IFNAR1: variants seen among roughly 807,000 people sequenced by gnomAD.
IFNAR1 encodes interferon alpha/beta receptor 1.
IFNAR1 carries 47 observed loss-of-function variants against 62.1 expected under a neutral mutation model. The observed-to-expected ratio is 0.76, with a 90% CI of 0.60 to 0.97. The LOEUF (loss-of-function observed/expected upper bound fraction) is 0.97. Among genes scored for constraint, IFNAR1 ranks in the 50% least tolerant of loss-of-function variants. The pLI, the probability that IFNAR1 is intolerant of heterozygous loss-of-function variation, is 0.00. For synonymous variants in IFNAR1, 219 were observed against 226.9 expected, an observed-to-expected ratio of 0.97 and a Z score of 0.31; for missense variants, 638 against 654.5, an observed-to-expected ratio of 0.97 and a Z score of 0.27.
rs144040431 is a variant in IFNAR1, at chr21:33,343,627, G to A, written c.624G>A (p.Thr208=). 2.1e-3 allele frequency: 3,386 copies of A among 1,608,204 alleles called. 4 individuals are homozygous for A. Among genetic ancestry groups the A allele is most frequent in the Non-Finnish European group, 2.6e-3 (3,107 of 1,174,930 alleles). Residue 208 remains threonine (T), a synonymous_variant, in exon 5 of 11, where the codon ACG becomes ACA. Coordinates refer to ENST00000270139, the MANE Select transcript of IFNAR1 (RefSeq NM_000629.3). ...YCLKVKAALL[T]SWKIGVYSPV... is the part of the protein sequence containing the mutation. The stretch of plus-strand genomic sequence containing the variant: ...TAAAAGTTAAAGCAGCACTACTTAC[G>A]TCATGGAAAATTGGTGTCTATAGTC...
chr21:33,334,208 G>C (rs1036176744), intron 1 of IFNAR1, among the ~76,000 whole-genome samples: 2 of 152,276 alleles, frequency 1.3e-5, no homozygotes, highest in East Asian at 3.9e-4. Context: ...TAAAGGGAAA[G>C]ATAGACTCCA....
Position 33,351,498 on chromosome 21 carries a change from C to T in IFNAR1, c.1144-1260C>T, listed in dbSNP as rs144023707. On this transcript the variant is annotated intron_variant, in intron 8 of 10. Transcript: ENST00000270139. ...GAAACTACATAATCGTTTTGTGAGC[C>T]ACTGAACGTTAAGGCAGTTTTGTTA... Among the ~76,000 whole-genome samples the T allele has an allele frequency of 2.6e-5, 4 of 152,020 alleles. 1 individual carries two copies. The highest frequency in any genetic ancestry group is 7.2e-5 in the African/African-American group (3 of 41,500).
upstream of IFNAR1, chr21:33,324,414 C>G (rs897969660): frequency 6.5e-6 from 1 of 153,500 alleles, no homozygotes; most frequent in Non-Finnish European, 1.5e-5. Context: ...CTGCACACAG[C>G]AACGGTCTGG....
At chr21:33,329,718 C>A (rs1195019795) in intron 1 of IFNAR1, among the ~76,000 whole-genome samples, 1 of 152,106 alleles carries the variant, frequency 6.6e-6, no homozygotes, top group Non-Finnish European at 1.5e-5. Flanking sequence ...AGAGATCAGT[C>A]CTTTATGATA....
intron 1 of IFNAR1, among the ~76,000 whole-genome samples, chr21:33,327,933 C>G (rs2083141685): frequency 6.6e-6 from 1 of 152,110 alleles, no homozygotes; most frequent in Admixed American, 6.6e-5. Flanking sequence ...TGGTTGAAAT[C>G]AATGGAAAGG....
At position 33,358,119 on chromosome 21, in the gene IFNAR1, G is replaced by A. The variant is rs147639443; in HGVS notation, c.*2570G>A. ...AGGAAGTTGGAGCACAAGGCTTCAC[G>A]CTTTAAGACCATCTGTGGTTTTCAG... On this transcript the variant is annotated 3_prime_UTR_variant, in exon 11 of 11. Transcript: ENST00000270139. 4 of 152,298 alleles carry A rather than the reference G, an allele frequency of 2.6e-5. No homozygotes were observed. The highest frequency in any genetic ancestry group is 1.9e-4 in the East Asian group (1 of 5,186). The allele number at this position is 152,298 out of a possible 1,614,324, so 9.4% of individuals were successfully genotyped here.
chr21:33,355,486 T>A lies in IFNAR1; in HGVS notation c.1611T>A (p.Asn537Lys). The A allele has an allele frequency of 6.2e-7, 1 of 1,607,322 alleles. No homozygotes were observed. Among genetic ancestry groups the A allele is most frequent in the Non-Finnish European group, 8.5e-7 (1 of 1,177,892 alleles). Residue 537 changes from asparagine to lysine, a missense_variant, in exon 11 of 11, where the codon AAT becomes AAA. Asn to Lys is a moderately conservative substitution (Grantham distance 94, BLOSUM62 0). Transcript: ENST00000270139. ...CCCAAACTAGCCAAGATTCAGGAAATTATTCTAATGAAGATGAAAGCGAAA... is the reference window on the plus strand; with the variant it reads ...CCCAAACTAGCCAAGATTCAGGAAAATATTCTAATGAAGATGAAAGCGAAA... ...YSSQTSQDSG[N>K]YSNEDESESK...
chr21:33,353,711 T>C lies in IFNAR1; in HGVS notation c.1368T>C (p.Ala456=). 3 of 1,593,062 alleles carry C rather than the reference T, an allele frequency of 1.9e-6. No homozygotes were observed. The South Asian group carries it at 3.4e-5, about 18-fold the overall frequency. ...ALFALPFVIY[A]AKVFLRCINY... Reference sequence around the variant, plus strand: ...TTGCTCTCCCGTTTGTCATTTATGCTGCGAAAGTCTTCTTGAGATGCATCA... The same window carrying C: ...TTGCTCTCCCGTTTGTCATTTATGCCGCGAAAGTCTTCTTGAGATGCATCA... Residue 456 remains alanine, a synonymous_variant, in exon 10 of 11, where the codon GCT becomes GCC. Transcript: ENST00000270139.
intron 5 of IFNAR1, among the ~76,000 whole-genome samples, chr21:33,344,150 G>C (rs1443906561): frequency 1.3e-5 from 2 of 149,338 alleles, no homozygotes; most frequent in African/African-American, 4.9e-5. Flanking sequence ...AAAGAGTAAG[G>C]CTCCGTCTTA....
intron 1 of IFNAR1, 128 bp downstream of exon 1, chr21:33,325,259 G>T: frequency 1.2e-6 from 1 of 819,192 alleles, no homozygotes; most frequent in Non-Finnish European, 2.0e-6. Context: ...ACTTTGCCGC[G>T]CCAAAGATTA....
intron 1 of IFNAR1, among the ~76,000 whole-genome samples, chr21:33,331,705 A>G (rs1466567191): frequency 3.3e-5 from 5 of 152,134 alleles, no homozygotes; most frequent in South Asian, 2.1e-4. Context: ...TAGCTATTCC[A>G]AGATTTAGAG....
chr21:33,343,443 T>C lies in IFNAR1; in HGVS notation c.531+21T>C, dbSNP rs1352874788. ...TAGAAGTAAGCATTATTTTTACCTC[T>C]GTTTAATCGATGTGAGAGAAAAATT... On this transcript the variant is annotated intron_variant, in intron 4 of 10. Transcript: ENST00000270139. 3 of 1,600,142 alleles carry C rather than the reference T, an allele frequency of 1.9e-6. No individual in the cohort carries two copies. In the South Asian group the frequency reaches 3.3e-5, roughly 18 times the overall value.
intron 2 of IFNAR1, among the ~76,000 whole-genome samples, chr21:33,335,971 G>A (rs961390037): frequency 1.4e-5 from 2 of 140,848 alleles, no homozygotes; most frequent in African/African-American, 2.7e-5. Flanking sequence ...TGTGCACAAT[G>A]TGCAGGTTAG....
At chr21:33,324,963 G>A, upstream of IFNAR1, 1 of 1,141,870 alleles carries the variant, frequency 8.8e-7, no homozygotes, top group East Asian at 2.6e-5. Context: ...CGCGTGTGCA[G>A]AGGGGCGGTG....
intron 1 of IFNAR1, among the ~76,000 whole-genome samples, chr21:33,328,504 T>C (rs778303066): frequency 5.3e-5 from 8 of 152,178 alleles, no homozygotes; most frequent in Admixed American, 1.3e-4. Flanking sequence ...TTTACGTAAC[T>C]ATCTACTTTT....
chr21:33,353,586 T>C (rs2083418219), intron 9 of IFNAR1, 52 bp from the exon 10 acceptor site: 1 of 1,063,384 alleles, frequency 9.4e-7, no homozygotes, highest in East Asian at 2.6e-5. Flanking sequence ...TCAGCACTGT[T>C]AAGGCATTTG....
intron 1 of IFNAR1, chr21:33,335,052 A>T: frequency 8.2e-7 from 1 of 1,218,686 alleles, no homozygotes; most frequent in South Asian, 1.2e-5. Context: ...CACAAGGAGT[A>T]CTGCAGGGAG....
chr21:33,346,845 A>AT (rs554483235), intron 6 of IFNAR1, among the ~76,000 whole-genome samples: 10 of 152,226 alleles, frequency 6.6e-5, no homozygotes, highest in Admixed American at 2.0e-4. Flanking sequence ...GTTAATTCAG[A>AT]TTTTTTTTAA....
chr21:33,333,113 GCATCAAGT>G (rs1340992206), intron 1 of IFNAR1, among the ~76,000 whole-genome samples: 1 of 152,162 alleles, frequency 6.6e-6, no homozygotes, highest in African/African-American at 2.4e-5. Context: ...CAAGAGAAAG[GCATCAAGT>G]CACATTTAAG....
Sources: gnomAD v4.1 joint callset for allele counts (sites outside exome capture counted in the v4.1 genomes callset) on GRCh38, gnomAD v4.1.1 for gene constraint, MANE v1.5 for transcripts, NCBI Gene and HGNC (gene_info 2026-07-23, HGNC 2026-07-21) for gene names.